The following FER variants were observed in gnomAD, a reference collection of about 807,000 sequenced individuals.
FER encodes the protein tyrosine-protein kinase Fer.
Under a neutral mutation model 111.0 loss-of-function variants are expected in FER, and 63 were observed. The observed-to-expected ratio is 0.57, with a 90% confidence interval of 0.46 to 0.70. The LOEUF (loss-of-function observed/expected upper bound fraction) is 0.70. FER is among the 30% of genes least tolerant of loss of function. FER has a pLI of 0.00. For missense variants in FER, 914 were observed against 954.0 expected, an observed-to-expected ratio of 0.96 and a Z score of 0.55; for synonymous variants, 327 against 313.9, an observed-to-expected ratio of 1.04 and a Z score of -0.44.
intron 17 of FER, among the ~76,000 whole-genome samples, chr5:109,118,987 G>GT: frequency 6.7e-6 from 1 of 149,980 alleles, no homozygotes; most frequent in Middle Eastern, 3.4e-3. Flanking sequence ...TTTTTGAAGG[G>GT]TTTTTTGTGT....
At chr5:109,064,463 ATATATC>A (rs377629571) in intron 16 of FER, among the ~76,000 whole-genome samples, 29 of 152,314 alleles carry the variant, frequency 1.9e-4, no homozygotes, top group African/African-American at 6.3e-4. Context: ...TGTAAAGAAA[ATATATC>A]TATAACTATT....
At chr5:108,799,160 A>G (rs1019999428) in intron 3 of FER, among the ~76,000 whole-genome samples, 51 of 152,252 alleles carry the variant, frequency 3.3e-4, no homozygotes, top group African/African-American at 1.2e-3. Context: ...TAAAACATCC[A>G]TTAGATGAAT....
intron 10 of FER, among the ~76,000 whole-genome samples, chr5:108,912,422 C>T (rs1375717742): frequency 6.6e-6 from 1 of 152,106 alleles, no homozygotes; most frequent in African/African-American, 2.4e-5. Flanking sequence ...AGTGCAGTGG[C>T]ACAATCTTGG....
intron 13 of FER, among the ~76,000 whole-genome samples, chr5:109,007,442 CAA>C (rs201461941): frequency 0.11 from 16,806 of 152,174 alleles, 1,010 homozygotes; most frequent in Non-Finnish European, 0.14. Context: ...CATCAGCTCC[CAA>C]AATTATTCTA....
intron 13 of FER, among the ~76,000 whole-genome samples, chr5:108,995,419 C>T (rs1474692942): frequency 6.6e-6 from 1 of 151,756 alleles, no homozygotes; most frequent in Non-Finnish European, 1.5e-5. Context: ...CTCTACTAGC[C>T]CCCCACCCCC....
intron 16 of FER, 102 bp downstream of exon 16, chr5:109,047,300 G>T: frequency 1.5e-6 from 1 of 654,456 alleles, no homozygotes; most frequent in Non-Finnish European, 2.6e-6. Context: ...AGTCTCCAAG[G>T]ATTTTGTTTA....
At chr5:109,052,464 TG>T in intron 16 of FER, 4 of 1,106,744 alleles carry the variant, frequency 3.6e-6, no homozygotes, top group Non-Finnish European at 5.5e-6. Context: ...GCATGTTGCC[TG>T]GGCACCACTC....
At chr5:109,007,015 T>G (rs1765582128) in intron 13 of FER, among the ~76,000 whole-genome samples, 1 of 152,214 alleles carries the variant, frequency 6.6e-6, no homozygotes, top group Non-Finnish European at 1.5e-5. Context: ...TTTTATATTC[T>G]GATGTTGTTC....
chr5:109,084,270 T>C (rs1289022688), intron 16 of FER, among the ~76,000 whole-genome samples: 14 of 152,142 alleles, frequency 9.2e-5, no homozygotes, highest in East Asian at 1.9e-4. Flanking sequence ...CATATTCTTA[T>C]TGCCACACAT....
At chr5:108,998,271 C>T (rs886623922) in intron 13 of FER, among the ~76,000 whole-genome samples, 2 of 151,812 alleles carry the variant, frequency 1.3e-5, no homozygotes, top group Admixed American at 6.6e-5. Context: ...TCAGGGCCCT[C>T]GTTGCCTAGC....
rs1038539020 is a variant in FER, at chr5:108,844,002, GTA to G, written c.481+8205_481+8206del. Among the ~76,000 whole-genome samples the G allele has an allele frequency of 4.0e-5, 6 of 151,256 alleles. 1 individual carries two copies. In the South Asian group the frequency reaches 1.0e-3, roughly 26 times the overall value. ...CTGTCTCTGTTTCGCCTCTTTCTATGTATATATATATGTGTGTGAACATATAT... is the reference window on the plus strand; with the variant it reads ...CTGTCTCTGTTTCGCCTCTTTCTATGTATATATATGTGTGTGAACATATAT... On this transcript the variant is annotated intron_variant, in intron 5 of 19. Coordinates refer to ENST00000281092, the MANE Select transcript of FER (RefSeq NM_005246.4).
intron 10 of FER, among the ~76,000 whole-genome samples, chr5:108,906,034 T>C (rs1750711729): frequency 6.6e-6 from 1 of 152,166 alleles, no homozygotes; most frequent in African/African-American, 2.4e-5. Flanking sequence ...GTTTGAGTCT[T>C]TGCCTCACCA....
intron 5 of FER, among the ~76,000 whole-genome samples, chr5:108,836,797 C>G (rs151055728): frequency 6.2e-4 from 94 of 152,112 alleles, no homozygotes; most frequent in South Asian, 1.7e-3. Flanking sequence ...CTTTCTCTCT[C>G]CTTTTCCCCT....
chr5:109,062,764 C>T (rs986067755), intron 16 of FER, among the ~76,000 whole-genome samples: 29 of 152,036 alleles, frequency 1.9e-4, no homozygotes, highest in African/African-American at 7.0e-4. Flanking sequence ...TTTTTCTTTC[C>T]CTAGGGATTA....
At chr5:108,886,545 G>T (rs1315131250) in intron 9 of FER, among the ~76,000 whole-genome samples, 1 of 151,186 alleles carries the variant, frequency 6.6e-6, no homozygotes, top group African/African-American at 2.4e-5. Flanking sequence ...TTACCTTCAG[G>T]TCTTTGAGAC....
chr5:109,030,978 A>G (rs190536097), intron 13 of FER, among the ~76,000 whole-genome samples: 84 of 151,966 alleles, frequency 5.5e-4, no homozygotes, highest in African/African-American at 1.8e-3. Flanking sequence ...TCTGGGATCT[A>G]TCTTCCTGTT....
At chr5:108,767,519 C>G (rs1443693392) in intron 1 of FER, among the ~76,000 whole-genome samples, 1 of 152,152 alleles carries the variant, frequency 6.6e-6, no homozygotes, top group Non-Finnish European at 1.5e-5. Context: ...CAGTCTTGCT[C>G]TGTCATCCGA....
At chr5:109,110,940 A>G (rs963289361) in intron 17 of FER, among the ~76,000 whole-genome samples, 5 of 152,188 alleles carry the variant, frequency 3.3e-5, no homozygotes, top group African/African-American at 1.2e-4. Flanking sequence ...CAAGATGGAC[A>G]GAGTACCATT....
At chr5:109,163,535 C>T (rs1210399852) in intron 17 of FER, among the ~76,000 whole-genome samples, 1 of 152,092 alleles carries the variant, frequency 6.6e-6, no homozygotes, top group Non-Finnish European at 1.5e-5. Context: ...TTCTTCATGT[C>T]TTTGTCAACA....
Sources: allele counts gnomAD v4.1 joint callset (sites outside exome capture counted in the v4.1 genomes callset), GRCh38; gene constraint gnomAD v4.1.1; transcripts MANE v1.5; gene names NCBI Gene and HGNC (gene_info 2026-07-23, HGNC 2026-07-21).